The following WNT7A variants were observed in gnomAD, a reference collection of about 807,000 sequenced individuals.
WNT7A encodes Wnt family member 7A.
Under a neutral mutation model 28.2 loss-of-function variants are expected in WNT7A, and 16 were observed. That is an observed-to-expected ratio of 0.57 (90% CI 0.38 to 0.86). The LOEUF (loss-of-function observed/expected upper bound fraction) is 0.86, where lower values mean the gene tolerates loss of function less well. Among genes scored for constraint, WNT7A ranks in the 40% least tolerant of loss-of-function variants. The probability of loss-of-function intolerance (pLI) is 0.00; values close to 1 mark genes in which losing one functional copy is unlikely to be tolerated. For synonymous variants in WNT7A, 190 were observed against 195.9 expected (o/e 0.97, Z 0.25); for missense variants, 411 against 489.7 (o/e 0.84, Z 1.52).
chr3:13,856,627 G>A (rs1334722013), intron 2 of WNT7A, among the ~76,000 whole-genome samples: 1 of 152,112 alleles, frequency 6.6e-6, no homozygotes. Flanking sequence ...AGACCAGCCT[G>A]GCCAACATGG....
chr3:13,865,811 C>T (rs1255403978), intron 2 of WNT7A, among the ~76,000 whole-genome samples: 4 of 151,922 alleles, frequency 2.6e-5, no homozygotes, highest in Non-Finnish European at 4.4e-5. Context: ...CACATGCTGG[C>T]GGTCTGGGGA....
At chr3:13,826,845 T>C (rs1438738783) in intron 3 of WNT7A, among the ~76,000 whole-genome samples, 1 of 152,166 alleles carries the variant, frequency 6.6e-6, no homozygotes, top group Non-Finnish European at 1.5e-5. Flanking sequence ...AGGAGGCTAC[T>C]GAAAAGCCAA....
At chr3:13,853,817 G>T (rs1321558957) in intron 3 of WNT7A, among the ~76,000 whole-genome samples, 1 of 152,228 alleles carries the variant, frequency 6.6e-6, no homozygotes, top group African/African-American at 2.4e-5. Context: ...GGAGCCGTGG[G>T]TGAGGAAATT....
intron 3 of WNT7A, among the ~76,000 whole-genome samples, chr3:13,841,068 C>A (rs1467460609): frequency 2.6e-5 from 4 of 152,366 alleles, no homozygotes; most frequent in African/African-American, 4.8e-5. Flanking sequence ...TAAAACAGAG[C>A]TGGCATATAG....
chr3:13,821,777 C>T (rs373316630), intron 3 of WNT7A, among the ~76,000 whole-genome samples: 17 of 152,214 alleles, frequency 1.1e-4, no homozygotes, highest in African/African-American at 3.4e-4. Context: ...ATTCCCAGGG[C>T]GGGGAGGGGC....
intron 3 of WNT7A, among the ~76,000 whole-genome samples, chr3:13,850,688 C>G (rs1694619078): frequency 6.6e-6 from 1 of 152,076 alleles, no homozygotes; most frequent in Non-Finnish European, 1.5e-5. Context: ...TCCACCCTCC[C>G]CCAGGCCCCC....
At chr3:13,868,636 GA>G (rs1694956552) in intron 2 of WNT7A, among the ~76,000 whole-genome samples, 1 of 19,788 alleles carries the variant, frequency 5.1e-5, no homozygotes, top group Non-Finnish European at 8.8e-5. Flanking sequence ...GAAAGAAAGA[GA>G]GAGGAGAAAG....
At chr3:13,859,221 G>A (rs1465099611) in intron 2 of WNT7A, among the ~76,000 whole-genome samples, 1 of 152,136 alleles carries the variant, frequency 6.6e-6, no homozygotes, top group Non-Finnish European at 1.5e-5. Context: ...GCAAATTTAA[G>A]GTTTACAAGA....
chr3:13,845,126 A>G (rs59385529), intron 3 of WNT7A, among the ~76,000 whole-genome samples: 26,923 of 152,214 alleles, frequency 0.18, 2,519 homozygotes, highest in South Asian at 0.36. Flanking sequence ...CCCAGCTGCA[A>G]GGCCAGCAGC....
intron 2 of WNT7A, among the ~76,000 whole-genome samples, chr3:13,861,025 C>A (rs1694820487): frequency 6.6e-6 from 1 of 152,206 alleles, no homozygotes; most frequent in South Asian, 2.1e-4. Flanking sequence ...CTCCATTTTA[C>A]AGATGCAGAA....
chr3:13,879,761 A>G lies in WNT7A; in HGVS notation c.56T>C (p.Val19Ala), dbSNP rs762051727. The G allele has an allele frequency of 6.2e-7, 1 of 1,612,660 alleles. No individual in the cohort carries two copies. Among genetic ancestry groups the G allele is most frequent in the Non-Finnish European group, 8.5e-7 (1 of 1,179,206 alleles). ...CAGCCCTTACCCGATCCGGAGGTAG[A>G]CCATGCCCAGGCTGAGAAAGAGGTG... ...LGHLFLSLGM[V>A]YLRIGGFSSV... The change falls in exon 1 of 4, where the codon GTC becomes GCC. Residue 19 changes from valine (V) to alanine (A), a missense_variant. By Grantham distance (64) the Val-to-Ala change is moderately conservative. Transcript: ENST00000285018.
Position 13,819,035 on chromosome 3 carries a change from C to T in WNT7A, c.959G>A (p.Arg320His). The T allele has an allele frequency of 3.1e-6, 5 of 1,613,074 alleles. No individual in the cohort carries two copies. The South Asian group carries it at 5.5e-5, about 18-fold the overall frequency. ...GAACTTACAGTTGCACTGCCACACG[C>T]GGGCGTACTGGTGGGTGTTGTAGCC... ...GRGYNTHQYARVWQCNCKFHW... is the reference protein window; with the variant it reads ...GRGYNTHQYAHVWQCNCKFHW... Residue 320 changes from arginine to histidine, a missense_variant, in exon 4 of 4, where the codon CGC becomes CAC. By Grantham distance (29) the Arg-to-His change is conservative. Coordinates refer to ENST00000285018, the MANE Select transcript of WNT7A (RefSeq NM_004625.4).
chr3:13,852,422 G>T (rs557035220), intron 3 of WNT7A, among the ~76,000 whole-genome samples: 13 of 152,360 alleles, frequency 8.5e-5, no homozygotes, highest in Non-Finnish European at 1.2e-4. Context: ...GCCCATGGCA[G>T]CCTGTTGGGA....
At chr3:13,866,049 G>A (rs1694905478) in intron 2 of WNT7A, among the ~76,000 whole-genome samples, 1 of 152,182 alleles carries the variant, frequency 6.6e-6, no homozygotes, top group African/African-American at 2.4e-5. Flanking sequence ...ACCTGCATAT[G>A]CAGGATATGA....
intron 3 of WNT7A, among the ~76,000 whole-genome samples, chr3:13,834,617 G>A (rs1467745301): frequency 6.6e-6 from 1 of 152,100 alleles, no homozygotes; most frequent in Non-Finnish European, 1.5e-5. Context: ...CCCCAGGCAT[G>A]CTCCTGCCTC....
chr3:13,865,285 A>G (rs903510265), intron 2 of WNT7A, among the ~76,000 whole-genome samples: 4 of 152,060 alleles, frequency 2.6e-5, no homozygotes, highest in African/African-American at 9.7e-5. Context: ...GAGTTCCCCC[A>G]TTTTATTGTC....
intron 1 of WNT7A, among the ~76,000 whole-genome samples, chr3:13,877,768 T>C (rs1413436810): frequency 6.6e-6 from 1 of 152,212 alleles, no homozygotes; most frequent in African/African-American, 2.4e-5. Context: ...AGGCACATAG[T>C]GAGTGCCCCA....
chr3:13,821,247 G>A (rs1053393613), intron 3 of WNT7A, among the ~76,000 whole-genome samples: 2 of 152,236 alleles, frequency 1.3e-5, no homozygotes, highest in Non-Finnish European at 2.9e-5. Context: ...ATACCTGGGG[G>A]ATGCTCAAAA....
chr3:13,823,419 A>G (rs1248908891), intron 3 of WNT7A, among the ~76,000 whole-genome samples: 1 of 151,908 alleles, frequency 6.6e-6, no homozygotes, highest in African/African-American at 2.4e-5. Flanking sequence ...CATTCAAATC[A>G]CTCCACAAGC....
Sources: gnomAD v4.1 joint callset for allele counts (sites outside exome capture counted in the v4.1 genomes callset) on GRCh38, gnomAD v4.1.1 for gene constraint, MANE v1.5 for transcripts, NCBI Gene and HGNC (gene_info 2026-07-23, HGNC 2026-07-21) for gene names.